The following ATPAF1 variants were observed in gnomAD, a reference collection of about 807,000 sequenced individuals.
ATPAF1 encodes ATP synthase mitochondrial F1 complex assembly factor 1.
Under a neutral mutation model 43.9 loss-of-function variants are expected in ATPAF1, and 26 were observed. That is an observed-to-expected ratio of 0.59 (90% CI 0.43 to 0.82). The LOEUF (loss-of-function observed/expected upper bound fraction) is 0.82, where lower values mean the gene tolerates loss of function less well. Among genes scored for constraint, ATPAF1 ranks in the 40% least tolerant of loss-of-function variants. ATPAF1 has a pLI of 0.00. For synonymous variants in ATPAF1, 157 were observed against 168.0 expected (o/e 0.93, Z 0.50); for missense variants, 366 against 435.0 (o/e 0.84, Z 1.41).
chr1:46,645,122 A>G (rs571027156), intron 7 of ATPAF1, 39 bp downstream of exon 7: 2 of 1,512,472 alleles, frequency 1.3e-6, no homozygotes, highest in South Asian at 2.3e-5. Flanking sequence ...ACCAAGGGGT[A>G]GTCCTCTTTC....
chr1:46,643,801 G>T (rs1933933), intron 7 of ATPAF1, among the ~76,000 whole-genome samples: 1 of 151,930 alleles, frequency 6.6e-6, no homozygotes. Context: ...CTGGGTTGGT[G>T]GGGGGTGAAG....
intron 2 of ATPAF1, among the ~76,000 whole-genome samples, chr1:46,664,337 C>T (rs1676451420): frequency 6.6e-6 from 1 of 152,144 alleles, no homozygotes; most frequent in Non-Finnish European, 1.5e-5. Context: ...GTTATTATTC[C>T]TGTTTTACAG....
chr1:46,666,971 TCAA>T (rs1676501377), intron 1 of ATPAF1, among the ~76,000 whole-genome samples: 1 of 152,180 alleles, frequency 6.6e-6, no homozygotes, highest in Non-Finnish European at 1.5e-5. Flanking sequence ...CAAATACAGA[TCAA>T]CGAGAGAAGC....
chr1:46,655,112 G>A (rs568087871), intron 4 of ATPAF1, among the ~76,000 whole-genome samples: 4 of 152,238 alleles, frequency 2.6e-5, no homozygotes, highest in African/African-American at 4.8e-5. Context: ...ATCAGATCTC[G>A]TGAGAACTCA....
chr1:46,644,927 C>T (rs1227255903), intron 7 of ATPAF1, among the ~76,000 whole-genome samples: 1 of 152,142 alleles, frequency 6.6e-6, no homozygotes, highest in Non-Finnish European at 1.5e-5. Context: ...GGGGAAGAGA[C>T]AAAAGAGAAC....
At chr1:46,654,812 T>C (rs890167237) in intron 4 of ATPAF1, among the ~76,000 whole-genome samples, 4 of 152,150 alleles carry the variant, frequency 2.6e-5, no homozygotes, top group Admixed American at 2.0e-4. Flanking sequence ...GTCCTTGTGA[T>C]AGTTTGCTGA....
intron 4 of ATPAF1, among the ~76,000 whole-genome samples, chr1:46,654,528 T>TTTATTTTATTATTATTATTA (rs1553218331): frequency 3.7e-5 from 5 of 135,280 alleles, no homozygotes; most frequent in African/African-American, 1.5e-4. Flanking sequence ...TATTTATTTA[T>TTTATTTTATTATTATTATTA]TTATTATTAT....
chr1:46,647,303 C>T (rs1393181991), intron 6 of ATPAF1, among the ~76,000 whole-genome samples: 1 of 152,150 alleles, frequency 6.6e-6, no homozygotes, highest in Non-Finnish European at 1.5e-5. Context: ...ACGACATTCC[C>T]GTCTGTAAGT....
At position 46,668,307 on chromosome 1, in the gene ATPAF1, C is replaced by T; in HGVS notation, c.16G>A (p.Val6Met). Residue 6 changes from valine (V) to methionine (M), a missense_variant, in exon 1 of 9, where the codon GTG becomes ATG. By Grantham distance (21) the Val-to-Met change is conservative. This residue lies in a region of ATPAF1 where 186 missense variants were observed against 168.5 expected (regional missense o/e 1.10). Transcript: ENST00000574428. This position sits in a 1 kb window ranked among gnomAD's most constrained non-coding sequence, Gnocchi z 4.4. ...GGTCCCGCGCCACCCGCAGCCGCCA[C>T]CACCACAGCAGCCATGGCCGCCCCC... 7.2e-7 allele frequency: 1 copy of T among 1,380,662 alleles called. No individual in the cohort carries two copies. The highest frequency in any genetic ancestry group is 9.4e-7 in the Non-Finnish European group (1 of 1,062,442). The allele number at this position is 1,380,662 out of a possible 1,614,324, so 85.5% of individuals were successfully genotyped here.
At chr1:46,663,994 G>T in intron 2 of ATPAF1, 1 of 920,888 alleles carries the variant, frequency 1.1e-6, no homozygotes, top group East Asian at 6.3e-5. Flanking sequence ...TTTTTTAAAA[G>T]ATGAAAGAGA....
intron 4 of ATPAF1, among the ~76,000 whole-genome samples, chr1:46,656,487 T>A (rs1676275936): frequency 6.6e-6 from 1 of 152,232 alleles, no homozygotes; most frequent in African/African-American, 2.4e-5. Flanking sequence ...AAGGTTGCTT[T>A]ACCTTTTCTT....
At chr1:46,660,953 C>CTT (rs34678504) in intron 2 of ATPAF1, among the ~76,000 whole-genome samples, 2 of 150,300 alleles carry the variant, frequency 1.3e-5, no homozygotes, top group Non-Finnish European at 3.0e-5. Context: ...GGCCTAGAAC[C>CTT]TTTTTTTTTT....
downstream of ATPAF1, chr1:46,633,525 G>C: frequency 2.8e-6 from 1 of 353,286 alleles, no homozygotes; most frequent in South Asian, 2.3e-5. Context: ...TCTAAAGCCT[G>C]TCCACTTTCT....
At chr1:46,645,067 G>A in intron 7 of ATPAF1, 94 bp downstream of exon 7, 2 of 900,202 alleles carry the variant, frequency 2.2e-6, no homozygotes, top group Non-Finnish European at 3.4e-6. Flanking sequence ...CTGGGAGTAA[G>A]CAGCTATTCT....
At chr1:46,642,044 C>T (rs929309514) in intron 8 of ATPAF1, among the ~76,000 whole-genome samples, 1 of 152,096 alleles carries the variant, frequency 6.6e-6, no homozygotes. Flanking sequence ...AAAGTGAGCT[C>T]CTGATTTTCC....
At chr1:46,665,203 G>A in intron 2 of ATPAF1, 53 bp downstream of exon 2, 1 of 1,564,540 alleles carries the variant, frequency 6.4e-7, no homozygotes, top group Non-Finnish European at 8.8e-7. Flanking sequence ...GTGAGGGTAA[G>A]GAGGGTGAAG....
intron 4 of ATPAF1, among the ~76,000 whole-genome samples, chr1:46,655,221 A>G (rs1213072762): frequency 6.6e-6 from 1 of 152,202 alleles, no homozygotes; most frequent in East Asian, 1.9e-4. Flanking sequence ...ACTACAATTC[A>G]AGATGAGATT....
At chr1:46,634,567 A>T (rs1675803494), downstream of ATPAF1, 1 of 152,378 alleles carries the variant, frequency 6.6e-6, no homozygotes. Context: ...GCGAGCTGAG[A>T]TCACGCTACT....
chr1:46,633,209 A>G (rs1050719474), downstream of ATPAF1: 1 of 155,332 alleles, frequency 6.4e-6, no homozygotes, highest in South Asian at 2.0e-4. Context: ...ACTGCATCTT[A>G]AAGTTTCAGA....
Sources: gnomAD v4.1 joint callset for allele counts (sites outside exome capture counted in the v4.1 genomes callset) on GRCh38, gnomAD v4.1.1 for gene constraint, gnomAD v4.1.1 regional missense constraint, Gnocchi (gnomAD v3.1) non-coding constraint, MANE v1.5 for transcripts, NCBI Gene and HGNC (gene_info 2026-07-23, HGNC 2026-07-21) for gene names.